The following ZMAT4 variants were observed in gnomAD, a reference collection of about 807,000 sequenced individuals.
ZMAT4 encodes the protein zinc finger matrin-type 4.
ZMAT4 carries 17 observed loss-of-function variants against 28.7 expected under a neutral mutation model. The ratio of observed to expected loss-of-function variants is 0.59; its 90% CI spans 0.41 to 0.89. ZMAT4 has a LOEUF of 0.89. Among genes scored for constraint, ZMAT4 ranks in the 40% least tolerant of loss-of-function variants. ZMAT4 has a pLI of 0.00. For synonymous variants in ZMAT4, 117 were observed against 109.2 expected (o/e 1.07, Z -0.44); for missense variants, 240 against 283.8 (o/e 0.85, Z 1.11).
At chr8:40,757,699 AG>A (rs770677300) in intron 3 of ZMAT4, among the ~76,000 whole-genome samples, 47 of 152,228 alleles carry the variant, frequency 3.1e-4, no homozygotes, top group Non-Finnish European at 5.6e-4. Flanking sequence ...TATCCTTGGA[AG>A]GGCAATGAAT....
intron 4 of ZMAT4, among the ~76,000 whole-genome samples, chr8:40,677,295 AT>A (rs11311291): frequency 0.26 from 37,563 of 144,032 alleles, 4,734 homozygotes; most frequent in African/African-American, 0.39. Flanking sequence ...AGTTTAAAGG[AT>A]TTTTTTTTTT....
At chr8:40,585,245 A>G (rs1804628515) in intron 5 of ZMAT4, among the ~76,000 whole-genome samples, 1 of 152,162 alleles carries the variant, frequency 6.6e-6, no homozygotes, top group Non-Finnish European at 1.5e-5. Context: ...AATATCTGGG[A>G]TGTTCTTAGG....
intron 2 of ZMAT4, among the ~76,000 whole-genome samples, chr8:40,792,335 T>C (rs1001762592): frequency 2.0e-5 from 3 of 151,332 alleles, no homozygotes; most frequent in African/African-American, 7.3e-5. Context: ...ATATATTCCC[T>C]GAACTGGCCA....
intron 2 of ZMAT4, among the ~76,000 whole-genome samples, chr8:40,775,455 G>A (rs541823316): frequency 4.5e-4 from 69 of 152,326 alleles, no homozygotes; most frequent in African/African-American, 1.6e-3. Flanking sequence ...GATGAAGACT[G>A]CAGTTGAAGC....
chr8:40,658,246 T>C (rs1377242119), intron 5 of ZMAT4, among the ~76,000 whole-genome samples: 1 of 152,200 alleles, frequency 6.6e-6, no homozygotes, highest in Non-Finnish European at 1.5e-5. Flanking sequence ...TATTAGTCTC[T>C]ATTGATTGCT....
intron 3 of ZMAT4, among the ~76,000 whole-genome samples, chr8:40,737,196 A>G (rs1011411533): frequency 2.1e-5 from 3 of 143,224 alleles, no homozygotes; most frequent in Non-Finnish European, 3.2e-5. Context: ...TTCTTAAAAC[A>G]TTATGAGATT....
chr8:40,793,772 G>A (rs938310897), intron 2 of ZMAT4, among the ~76,000 whole-genome samples: 1 of 152,128 alleles, frequency 6.6e-6, no homozygotes. Context: ...AGGTTGAGGG[G>A]TCCCCTGAGG....
At chr8:40,545,376 T>C (rs1221323721) in intron 6 of ZMAT4, among the ~76,000 whole-genome samples, 7 of 152,170 alleles carry the variant, frequency 4.6e-5, no homozygotes, top group Admixed American at 2.6e-4. Context: ...GAGTGATTTG[T>C]TAAGCAACAA....
At chr8:40,801,569 CT>C (rs1814851061) in intron 2 of ZMAT4, among the ~76,000 whole-genome samples, 1 of 151,594 alleles carries the variant, frequency 6.6e-6, no homozygotes, top group African/African-American at 2.4e-5. Context: ...ACTCAGGAGG[CT>C]GAGGAAGGAG....
chr8:40,783,303 A>T (rs1337528399), intron 2 of ZMAT4, among the ~76,000 whole-genome samples: 1 of 152,218 alleles, frequency 6.6e-6, no homozygotes, highest in African/African-American at 2.4e-5. Flanking sequence ...GTCAGAAACA[A>T]GGGGCACACA....
intron 1 of ZMAT4, among the ~76,000 whole-genome samples, chr8:40,843,091 T>A (rs1816758303): frequency 6.6e-6 from 1 of 152,218 alleles, no homozygotes; most frequent in Non-Finnish European, 1.5e-5. Flanking sequence ...ACACATTTTT[T>A]AAATGACTTC....
intron 5 of ZMAT4, among the ~76,000 whole-genome samples, chr8:40,607,975 T>G (rs1469523551): frequency 5.3e-5 from 8 of 151,776 alleles, no homozygotes; most frequent in Admixed American, 4.6e-4. Flanking sequence ...TTGGTTGTGT[T>G]TTTTTTTAAT....
At chr8:40,584,059 T>G (rs1333140217) in intron 5 of ZMAT4, among the ~76,000 whole-genome samples, 1 of 152,150 alleles carries the variant, frequency 6.6e-6, no homozygotes, top group African/African-American at 2.4e-5. Context: ...GCTATCATAT[T>G]TAGGAAGAAA....
chr8:40,825,701 A>G lies in ZMAT4; in HGVS notation c.-4-21T>C, dbSNP rs140564522. On this transcript the variant is annotated intron_variant, in intron 1 of 6. Transcript: ENST00000297737. ...TCAGGCTACAAGAGAATCAACAGAA[A>G]AGAAAAATGAGTCCACTGCTTTGAT... The G allele has an allele frequency of 1.1e-4, 176 of 1,534,646 alleles. No homozygotes were observed. The East Asian group carries it at 4.0e-3, about 35-fold the overall frequency.
At chr8:40,737,073 T>C (rs950917136) in intron 3 of ZMAT4, among the ~76,000 whole-genome samples, 1 of 152,172 alleles carries the variant, frequency 6.6e-6, no homozygotes, top group Non-Finnish European at 1.5e-5. Flanking sequence ...GGCTGGGTGG[T>C]GATTGAAGCC....
At chr8:40,603,624 ATTTG>A (rs1352196540) in intron 5 of ZMAT4, among the ~76,000 whole-genome samples, 2 of 151,398 alleles carry the variant, frequency 1.3e-5, no homozygotes, top group Admixed American at 6.6e-5. Flanking sequence ...TTGTTTGTTT[ATTTG>A]TTTGTTTTGT....
intron 6 of ZMAT4, among the ~76,000 whole-genome samples, chr8:40,553,773 C>A (rs948463460): frequency 9.9e-5 from 15 of 152,166 alleles, no homozygotes; most frequent in African/African-American, 3.4e-4. Flanking sequence ...GATTCCATCT[C>A]TATTACACTT....
At chr8:40,685,974 G>T (rs1485069194) in intron 4 of ZMAT4, among the ~76,000 whole-genome samples, 3 of 152,120 alleles carry the variant, frequency 2.0e-5, no homozygotes, top group Non-Finnish European at 4.4e-5. Context: ...GGGCAGACAG[G>T]ACTGGGAACC....
intron 3 of ZMAT4, among the ~76,000 whole-genome samples, chr8:40,767,040 A>T (rs1223320236): frequency 6.6e-6 from 1 of 152,152 alleles, no homozygotes; most frequent in East Asian, 1.9e-4. Flanking sequence ...GGAGGAAGGA[A>T]TATTTATTTC....
Sources: allele counts gnomAD v4.1 joint callset (sites outside exome capture counted in the v4.1 genomes callset), GRCh38; gene constraint gnomAD v4.1.1; transcripts MANE v1.5; gene names NCBI Gene and HGNC (gene_info 2026-07-23, HGNC 2026-07-21).